SDK2: variants seen among roughly 807,000 people sequenced by gnomAD.
The protein encoded by SDK2 is sidekick cell adhesion molecule 2.
SDK2 carries 105 observed loss-of-function variants against 253.9 expected under a neutral mutation model. That is an observed-to-expected ratio of 0.41 (90% CI 0.35 to 0.49). The LOEUF (loss-of-function observed/expected upper bound fraction) is 0.49, where lower values mean the gene tolerates loss of function less well. SDK2 is among the 20% of genes least tolerant of loss of function. The pLI is 0.06. For synonymous variants in SDK2, 1,249 were observed against 1,234.9 expected (o/e 1.01, Z -0.24); for missense variants, 2,608 against 3,003.0 (o/e 0.87, Z 3.07).
chr17:73,423,277 G>A, intron 14 of SDK2, 109 bp downstream of exon 14: 1 of 1,096,950 alleles, frequency 9.1e-7, no homozygotes, highest in Non-Finnish European at 1.2e-6. Context: ...GGAAGGATCT[G>A]CTCAAAGGCC....
At chr17:73,548,925 C>A (rs1240264405) in intron 1 of SDK2, among the ~76,000 whole-genome samples, 1 of 152,222 alleles carries the variant, frequency 6.6e-6, no homozygotes, top group Non-Finnish European at 1.5e-5. Flanking sequence ...GATGCGTCAT[C>A]CATGCCAGCC....
intron 2 of SDK2, among the ~76,000 whole-genome samples, chr17:73,484,018 A>G (rs561271628): frequency 6.6e-6 from 1 of 152,112 alleles, no homozygotes; most frequent in African/African-American, 2.4e-5. Flanking sequence ...AAAAAACAAG[A>G]AAACAGAAAA....
At chr17:73,524,353 GC>G (rs2064108319) in intron 1 of SDK2, among the ~76,000 whole-genome samples, 1 of 152,086 alleles carries the variant, frequency 6.6e-6, no homozygotes, top group Non-Finnish European at 1.5e-5. Flanking sequence ...GCCCCCGCCC[GC>G]CCCGGCCATT....
intron 15 of SDK2, among the ~76,000 whole-genome samples, 164 bp from the exon 16 acceptor site, chr17:73,419,470 A>G (rs529229997): frequency 6.6e-6 from 1 of 152,296 alleles, no homozygotes; most frequent in Non-Finnish European, 1.5e-5. Context: ...GTTCTATAAA[A>G]GAATTATAAT....
At chr17:73,391,027 T>C (rs932011957) in intron 28 of SDK2, among the ~76,000 whole-genome samples, 19 of 152,178 alleles carry the variant, frequency 1.2e-4, no homozygotes, top group Admixed American at 4.6e-4. Flanking sequence ...GGTGTGTGTA[T>C]TGGGGGAACT....
At chr17:73,345,600 G>C (rs2062476236) in intron 44 of SDK2, among the ~76,000 whole-genome samples, 1 of 152,158 alleles carries the variant, frequency 6.6e-6, no homozygotes, top group Admixed American at 6.5e-5. Context: ...GAGCTTCATA[G>C]AGAGCAAACC....
intron 2 of SDK2, among the ~76,000 whole-genome samples, chr17:73,485,399 T>A (rs1480689795): frequency 6.6e-6 from 1 of 152,114 alleles, no homozygotes; most frequent in African/African-American, 2.4e-5. Flanking sequence ...TCCTGAGACA[T>A]CGACTGTGGT....
At chr17:73,539,215 G>A (rs1027581436) in intron 1 of SDK2, among the ~76,000 whole-genome samples, 4 of 152,140 alleles carry the variant, frequency 2.6e-5, no homozygotes, top group Non-Finnish European at 5.9e-5. Context: ...TTTCCTTGTC[G>A]CTTGAAATGT....
At chr17:73,444,777 G>A (rs1341322402) in intron 5 of SDK2, among the ~76,000 whole-genome samples, 3 of 152,144 alleles carry the variant, frequency 2.0e-5, no homozygotes, top group African/African-American at 2.4e-5. Context: ...GCCACAGGTC[G>A]GTGAGCGGTG....
intron 4 of SDK2, among the ~76,000 whole-genome samples, chr17:73,451,823 C>T (rs2063492002): frequency 6.6e-6 from 1 of 152,136 alleles, no homozygotes. Flanking sequence ...GGTGCTCTTC[C>T]TGGCACTCAG....
chr17:73,535,883 G>C (rs949901063), intron 1 of SDK2, among the ~76,000 whole-genome samples: 2 of 152,148 alleles, frequency 1.3e-5, no homozygotes, highest in Non-Finnish European at 2.9e-5. Flanking sequence ...GAGAAGGCAG[G>C]GGGCGGCTGG....
At chr17:73,506,116 A>G (rs1374397407) in intron 2 of SDK2, among the ~76,000 whole-genome samples, 1 of 152,222 alleles carries the variant, frequency 6.6e-6, no homozygotes. Context: ...ATGCCATCCC[A>G]TGCTCTTGGT....
intron 18 of SDK2, among the ~76,000 whole-genome samples, chr17:73,410,399 C>T (rs867373777): frequency 1.3e-5 from 2 of 152,238 alleles, no homozygotes; most frequent in South Asian, 2.1e-4. Context: ...CTGCAATGTC[C>T]GCCTCCTGGG....
chr17:73,355,175 T>TATA (rs1555750470), intron 40 of SDK2, among the ~76,000 whole-genome samples: 5 of 15,744 alleles, frequency 3.2e-4, no homozygotes, highest in Admixed American at 1.9e-3. Context: ...TATATATATA[T>TATA]TTTTTTTTTT....
intron 40 of SDK2, among the ~76,000 whole-genome samples, chr17:73,355,164 A>ATATATATATATATC: frequency 2.9e-5 from 1 of 34,086 alleles, no homozygotes; most frequent in Non-Finnish European, 4.8e-5. Flanking sequence ...ACCTCCATAT[A>ATATATATATATATC]TATATATATA....
intron 1 of SDK2, among the ~76,000 whole-genome samples, chr17:73,594,765 A>G (rs2045730609): frequency 1.3e-5 from 2 of 152,142 alleles, no homozygotes; most frequent in Admixed American, 6.6e-5. Flanking sequence ...GCACATATGC[A>G]CACACACAAA....
At chr17:73,457,012 T>A (rs775589513) in intron 3 of SDK2, among the ~76,000 whole-genome samples, 18 of 152,154 alleles carry the variant, frequency 1.2e-4, no homozygotes, top group Non-Finnish European at 2.2e-4. Context: ...CAAGACCTGC[T>A]GGATCAGAAG....
chr17:73,379,928 A>G lies in SDK2; in HGVS notation c.4763-379T>C, dbSNP rs1420319216. Among the ~76,000 whole-genome samples the G allele has an allele frequency of 6.6e-6, 1 of 152,044 alleles. No homozygotes were observed. The highest frequency in any genetic ancestry group is 1.5e-5 in the Non-Finnish European group (1 of 68,024). On this transcript the variant is annotated intron_variant, in intron 34 of 44. Coordinates refer to ENST00000392650, the MANE Select transcript of SDK2 (RefSeq NM_001144952.2). The surrounding 1 kb of genome is among the most constrained non-coding windows in gnomAD (Gnocchi z 4.5). The stretch of plus-strand genomic sequence containing the variant: ...CAGCCTGTCCTCTTTCCCCACCGTG[A>G]CAGATGCCCAGAGTCCCCATCCACC...
intron 9 of SDK2, among the ~76,000 whole-genome samples, chr17:73,434,470 C>T (rs2063352414): frequency 6.6e-6 from 1 of 152,198 alleles, no homozygotes; most frequent in Admixed American, 6.5e-5. Context: ...TGGGGCACAC[C>T]TACAAGCTCT....
Sources: allele counts gnomAD v4.1 joint callset (sites outside exome capture counted in the v4.1 genomes callset), GRCh38; gene constraint gnomAD v4.1.1; non-coding constraint Gnocchi (gnomAD v3.1); transcripts MANE v1.5; gene names NCBI Gene and HGNC (gene_info 2026-07-23, HGNC 2026-07-21).